Variants in CMIP observed in about 807,000 individuals in gnomAD.
CMIP encodes the protein C-Maf-inducing protein.
In CMIP, 13 loss-of-function variants were observed where a neutral mutation model predicts 97.3. That is an observed-to-expected ratio of 0.13 (90% CI 0.09 to 0.21). The LOEUF is 0.21. CMIP is among the 10% of genes least tolerant of loss of function. The pLI is 1.00. For synonymous variants in CMIP, 538 were observed against 436.3 expected (o/e 1.23, Z -2.91); for missense variants, 847 against 1,024.9 (o/e 0.83, Z 2.37).
chr16:81,482,950 T>C (rs571980426), intron 1 of CMIP, among the ~76,000 whole-genome samples: 4 of 152,358 alleles, frequency 2.6e-5, no homozygotes, highest in Admixed American at 2.6e-4. Flanking sequence ...GCGTCCACTG[T>C]GCACCAGGCA....
intron 7 of CMIP, chr16:81,664,589 G>A (rs2092583145): frequency 1.7e-6 from 1 of 584,066 alleles, no homozygotes; most frequent in Non-Finnish European, 3.0e-6. Flanking sequence ...ACCGCAGCTG[G>A]AGGAGAAGAG....
chr16:81,476,363 A>G (rs970304093), intron 1 of CMIP: 1 of 1,310,018 alleles, frequency 7.6e-7, no homozygotes, highest in Non-Finnish European at 1.1e-6. Context: ...TTCCTGTGAA[A>G]GCAGGAACCC....
chr16:81,595,028 C>T (rs539788505), intron 1 of CMIP, among the ~76,000 whole-genome samples: 35 of 140,988 alleles, frequency 2.5e-4, no homozygotes, highest in African/African-American at 1.0e-3. Flanking sequence ...AAGGTAATAT[C>T]ATGTGGTCTC....
At position 81,616,176 on chromosome 16, in the gene CMIP, A is replaced by C. The variant is rs2091915664; in HGVS notation, c.427-4700A>C. ...GTATTTTTTTTTTTTTTTTTTTAAC[A>C]CCAGGCTCACTGGAGCAGTCGCAGT... On this transcript the variant is annotated intron_variant, in intron 2 of 20. Transcript: ENST00000537098. The surrounding 1 kb of genome is among the most constrained non-coding windows in gnomAD (Gnocchi z 4.7). Among the ~76,000 whole-genome samples the C allele has an allele frequency of 7.0e-6, 1 of 142,700 alleles. No homozygotes were observed. The highest frequency in any genetic ancestry group is 2.6e-5 in the African/African-American group (1 of 38,062). The allele number at this position is 142,700 out of a possible 152,430, so 93.6% of individuals were successfully genotyped here.
chr16:81,496,303 G>C (rs899592687), intron 1 of CMIP, among the ~76,000 whole-genome samples: 3 of 152,156 alleles, frequency 2.0e-5, no homozygotes, highest in Non-Finnish European at 4.4e-5. Context: ...TGTGTGCTCA[G>C]AATACAGCAG....
chr16:81,680,245 C>T (rs190142188), intron 10 of CMIP, among the ~76,000 whole-genome samples: 8 of 152,280 alleles, frequency 5.3e-5, no homozygotes, highest in Admixed American at 1.3e-4. Flanking sequence ...CGCTGGGCAG[C>T]GTTTGGTCAT....
At chr16:81,476,242 G>A (rs557579435) in intron 1 of CMIP, 17 of 1,489,576 alleles carry the variant, frequency 1.1e-5, no homozygotes, top group Non-Finnish European at 1.6e-5. Context: ...GCCGGGACCT[G>A]TATGCTTTAG....
At chr16:81,535,579 G>A (rs2090327161) in intron 1 of CMIP, among the ~76,000 whole-genome samples, 1 of 150,032 alleles carries the variant, frequency 6.7e-6, no homozygotes, top group Admixed American at 6.7e-5. Context: ...CGTGAATTTT[G>A]TAGTACTGTG....
intron 1 of CMIP, among the ~76,000 whole-genome samples, chr16:81,580,394 A>C (rs2091276075): frequency 6.6e-6 from 1 of 151,618 alleles, no homozygotes; most frequent in South Asian, 2.1e-4. Flanking sequence ...TGCCCACTTA[A>C]TTTATTTTGG....
intron 17 of CMIP, among the ~76,000 whole-genome samples, chr16:81,703,073 TG>T (rs1907601037): frequency 6.6e-6 from 1 of 152,150 alleles, no homozygotes; most frequent in East Asian, 1.9e-4. Flanking sequence ...CCTTCTATTC[TG>T]ATGCCCCCAT....
intron 10 of CMIP, 79 bp from the exon 11 acceptor site, chr16:81,691,696 G>A: frequency 8.8e-7 from 1 of 1,141,506 alleles, no homozygotes; most frequent in Non-Finnish European, 1.3e-6. Flanking sequence ...CCCATCTTTT[G>A]GCCCATCTGG....
In CMIP at chr16:81,467,437, C is replaced by A. The variant is rs140631410; in HGVS notation, c.300+21896C>A. 5.3e-5 allele frequency among the ~76,000 whole-genome samples: 8 copies of A among 152,218 alleles called. No individual in the cohort carries two copies. The East Asian group carries it at 1.4e-3, about 26-fold the overall frequency. On this transcript the variant is annotated intron_variant, in intron 1 of 20. Transcript: ENST00000537098. ...GTTTCTCTTTACCCCGTAAAGGCCT[C>A]CTGTGAGAAGATGAGAGGATTTGAA... is the stretch of plus-strand genomic sequence containing the variant.
At position 81,644,909 on chromosome 16, in the gene CMIP, A is replaced by G. The variant is rs543776064; in HGVS notation, c.478-7294A>G. Among the ~76,000 whole-genome samples the G allele has an allele frequency of 4.6e-5, 7 of 152,256 alleles. No homozygotes were observed. The South Asian group carries it at 1.5e-3, about 32-fold the overall frequency. On this transcript the variant is annotated intron_variant, in intron 3 of 20. Coordinates refer to ENST00000537098, the MANE Select transcript of CMIP (RefSeq NM_198390.3). ...GGGCCGAACGCAGTGCCACACACAT[A>G]CTAGACCTCAGCATCGATGGGTAGA...
At chr16:81,667,606 C>T (rs984180858) in intron 7 of CMIP, among the ~76,000 whole-genome samples, 3 of 152,010 alleles carry the variant, frequency 2.0e-5, no homozygotes, top group Admixed American at 6.6e-5. Context: ...ATCATAAAAC[C>T]CTCGTGGTGG....
At chr16:81,658,600 C>T (rs1010954029) in intron 5 of CMIP, among the ~76,000 whole-genome samples, 2 of 152,178 alleles carry the variant, frequency 1.3e-5, no homozygotes, top group African/African-American at 4.8e-5. Flanking sequence ...GGTGGCAAAA[C>T]GGGATAAAAG....
chr16:81,546,852 C>T (rs1027917087), intron 1 of CMIP, among the ~76,000 whole-genome samples: 1 of 152,176 alleles, frequency 6.6e-6, no homozygotes, highest in African/African-American at 2.4e-5. Flanking sequence ...AGTAAAAATT[C>T]AGCTTGTGAG....
intron 1 of CMIP, among the ~76,000 whole-genome samples, chr16:81,569,743 C>G (rs2091049957): frequency 6.6e-6 from 1 of 152,236 alleles, no homozygotes; most frequent in South Asian, 2.1e-4. Flanking sequence ...AAAGAGCTGG[C>G]TTAGCCATAG....
chr16:81,646,255 G>C (rs2092363519), intron 3 of CMIP, among the ~76,000 whole-genome samples: 1 of 123,586 alleles, frequency 8.1e-6, no homozygotes, highest in South Asian at 2.6e-4. Context: ...TGGGTGGATG[G>C]ATGGATGGAT....
chr16:81,543,106 G>GCACT (rs2090479220), intron 1 of CMIP, among the ~76,000 whole-genome samples: 2 of 152,236 alleles, frequency 1.3e-5, no homozygotes, highest in Admixed American at 1.3e-4. Flanking sequence ...CTGGCTGGTG[G>GCACT]CACTGTGTGT....
Sources: allele counts gnomAD v4.1 joint callset (sites outside exome capture counted in the v4.1 genomes callset), GRCh38; gene constraint gnomAD v4.1.1; non-coding constraint Gnocchi (gnomAD v3.1); transcripts MANE v1.5; gene names NCBI Gene and HGNC (gene_info 2026-07-23, HGNC 2026-07-21).